SRSF11: variants seen among roughly 807,000 people sequenced by gnomAD.
The protein encoded by SRSF11 is serine/arginine-rich splicing factor 11.
In SRSF11, 9 loss-of-function variants were observed where a neutral mutation model predicts 56.0. The observed-to-expected ratio is 0.16, with a 90% CI of 0.10 to 0.28. The LOEUF is 0.28. Among genes scored for constraint, SRSF11 ranks in the 10% least tolerant of loss-of-function variants. The pLI is 1.00. For synonymous variants in SRSF11, 222 were observed against 215.3 expected (o/e 1.03, Z -0.27); for missense variants, 421 against 600.7 (o/e 0.70, Z 3.13).
At chr1:70,234,869 C>A in intron 4 of SRSF11, 81 bp downstream of exon 4, 1 of 1,194,398 alleles carries the variant, frequency 8.4e-7, no homozygotes, top group Non-Finnish European at 1.2e-6. Flanking sequence ...ATTTCAAGAG[C>A]AGAAGCTAAT....
chr1:70,232,414 A>C lies in SRSF11; in HGVS notation c.447+37A>C, dbSNP rs764595757. 28 of 1,517,308 alleles carry C rather than the reference A, an allele frequency of 1.8e-5. No homozygotes were observed. In the African/African-American group the frequency reaches 3.6e-4, roughly 20 times the overall value. The allele number at this position is 1,517,308 out of a possible 1,614,324, so 94.0% of individuals were successfully genotyped here. On this transcript the variant is annotated intron_variant, in intron 3 of 11. Transcript: ENST00000370949. The stretch of plus-strand genomic sequence containing the variant: ...ATTGAATTCTTAAAGGGTGGGGAAA[A>C]AAACAGAATTGTGCATAAAGCTAAA...
rs1051857752 is a variant in SRSF11 at position 70,221,774 on chromosome 1, T to G, written c.138T>G (p.Ser46=). 6 of 1,614,048 alleles carry G rather than the reference T, an allele frequency of 3.7e-6. No individual in the cohort carries two copies. Among genetic ancestry groups the G allele is most frequent in the Non-Finnish European group, 4.2e-6 (5 of 1,180,046 alleles). ...QVTNVSPSAS[S]EQMRTLFGFL... ...CTAATGTCTCCCCGAGCGCTAGCTC[T>G]GAGCAGATGCGGACTCTCTTCGGTT... The change falls in exon 1 of 12, where the codon TCT becomes TCG. Residue 46 remains serine, a synonymous_variant. Transcript: ENST00000370949.
rs1189977838 is a variant in SRSF11 at position 70,252,344 on chromosome 1, T to A, written c.*1539T>A. 1 of 152,174 alleles carries A rather than the reference T, an allele frequency of 6.6e-6. No individual in the cohort carries two copies. Among genetic ancestry groups the A allele is most frequent in the African/African-American group, 2.4e-5 (1 of 41,460 alleles). The allele number at this position is 152,174 out of a possible 1,614,324, so 9.4% of individuals were successfully genotyped here. A position where few individuals can be genotyped will look rare whatever the true frequency, so the allele number is the denominator to read the frequency against. On this transcript the variant is annotated 3_prime_UTR_variant, in exon 12 of 12. Transcript: ENST00000370949. ...ACAGATATTTGCCTTTCTGGAGTAG[T>A]ATAGAAGCTGTCAATATGTATCTAC...
chr1:70,234,809 AT>A, intron 4 of SRSF11, 21 bp downstream of exon 4: 1 of 1,551,734 alleles, frequency 6.4e-7, no homozygotes, highest in South Asian at 1.2e-5. Context: ...GTAACTTCAA[AT>A]TTTTCACCCA....
At chr1:70,220,621 G>A (rs564775366), upstream of SRSF11, among the ~76,000 whole-genome samples, 1 of 152,102 alleles carries the variant, frequency 6.6e-6, no homozygotes, top group Non-Finnish European at 1.5e-5. Flanking sequence ...AGGCCAAGGC[G>A]GGTGGATCAC....
intron 5 of SRSF11, among the ~76,000 whole-genome samples, chr1:70,237,175 A>G (rs564994542): frequency 7.9e-5 from 12 of 152,292 alleles, no homozygotes; most frequent in Non-Finnish European, 1.5e-4. Flanking sequence ...GTTTATGGAA[A>G]GTTAATGGAT....
chr1:70,247,080 GTTTA>G (rs912786118), intron 9 of SRSF11, 173 bp downstream of exon 9: 2 of 1,116,694 alleles, frequency 1.8e-6, no homozygotes, highest in Non-Finnish European at 2.4e-6. Context: ...GAATAATGTA[GTTTA>G]TTTTTCTTTT....
At chr1:70,236,954 GT>G (rs960558544) in intron 5 of SRSF11, among the ~76,000 whole-genome samples, 5 of 151,000 alleles carry the variant, frequency 3.3e-5, no homozygotes, top group Non-Finnish European at 7.4e-5. Context: ...TGCCTGGCTA[GT>G]TTTTTGTATT....
At chr1:70,243,184 C>T (rs551062975) in intron 7 of SRSF11, among the ~76,000 whole-genome samples, 1 of 151,686 alleles carries the variant, frequency 6.6e-6, no homozygotes, top group Admixed American at 6.6e-5. Flanking sequence ...CAGTCCCCTC[C>T]GTATATGCAG....
At chr1:70,243,258 T>C (rs1675902785) in intron 7 of SRSF11, among the ~76,000 whole-genome samples, 1 of 133,736 alleles carries the variant, frequency 7.5e-6, no homozygotes, top group Non-Finnish European at 1.5e-5. Context: ...GGAATCCACA[T>C]ATAGGAAAAC....
chr1:70,220,294 A>G (rs1372832367), upstream of SRSF11, among the ~76,000 whole-genome samples: 1 of 152,374 alleles, frequency 6.6e-6, no homozygotes, highest in South Asian at 2.1e-4. Context: ...TAACTTGTGT[A>G]TCGGCACAGA....
Position 70,231,926 on chromosome 1 carries a change from A to G in SRSF11, c.338-342A>G, listed in dbSNP as rs1295596721. 3.9e-6 allele frequency: 6 copies of G among 1,529,676 alleles called. No individual in the cohort carries two copies. In the South Asian group the frequency reaches 7.2e-5, roughly 18 times the overall value. The allele number at this position is 1,529,676 out of a possible 1,614,324, so 94.8% of individuals were successfully genotyped here. ...AAAGTTGAGAGCACACCCCTGGAGA[A>G]CCGACTGTGCTTGCTTACGTTTGGT... On this transcript the variant is annotated intron_variant, in intron 2 of 11. Coordinates refer to ENST00000370949, the MANE Select transcript of SRSF11 (RefSeq NM_001350605.2).
chr1:70,246,110 T>C (rs1170635276), intron 8 of SRSF11, among the ~76,000 whole-genome samples: 1 of 152,168 alleles, frequency 6.6e-6, no homozygotes, highest in Non-Finnish European at 1.5e-5. Flanking sequence ...ACTTTGATTC[T>C]TAAAATTAGA....
chr1:70,209,597 C>CT (rs1669353473), intron 1 of SRSF11, among the ~76,000 whole-genome samples: 1 of 151,816 alleles, frequency 6.6e-6, no homozygotes. Flanking sequence ...AGAGGACATT[C>CT]TTTTTTGTTT....
chr1:70,247,272 A>G (rs1056148792), intron 9 of SRSF11: 3 of 219,066 alleles, frequency 1.4e-5, no homozygotes, highest in African/African-American at 2.3e-5. Flanking sequence ...GAATTTTTCT[A>G]TCCCTTTTAA....
At chr1:70,226,558 CAAT>C (rs561056671) in intron 1 of SRSF11, among the ~76,000 whole-genome samples, 322 of 152,062 alleles carry the variant, frequency 2.1e-3, no homozygotes, top group African/African-American at 7.4e-3. Flanking sequence ...AATAAGATAA[CAAT>C]AAAAAGTGTT....
intron 4 of SRSF11, 101 bp from the exon 5 acceptor site, chr1:70,235,400 T>C (rs1193377099): frequency 5.4e-6 from 5 of 930,918 alleles, no homozygotes; most frequent in Non-Finnish European, 8.2e-6. Context: ...TTTCATGGCA[T>C]GTAGTCTGCA....
rs753214498 is a variant in SRSF11, at chr1:70,246,769, G to A, written c.933-49G>A. On this transcript the variant is annotated intron_variant, in intron 8 of 11. Coordinates refer to ENST00000370949, the MANE Select transcript of SRSF11 (RefSeq NM_001350605.2). The stretch of plus-strand genomic sequence containing the variant: ...TGTGTTTGTAGTGCTATATAAATTG[G>A]CATCAGCTGAGTCTTCTAATGCATT... The A allele has an allele frequency of 2.7e-5, 33 of 1,213,972 alleles. No individual in the cohort carries two copies. The East Asian group carries it at 6.4e-4, about 24-fold the overall frequency. 75.2% of individuals were successfully genotyped at this position (1,213,972 alleles called of 1,614,324 possible). A position where few individuals can be genotyped will look rare whatever the true frequency, so the allele number is the denominator to read the frequency against.
chr1:70,221,852 C>A lies in SRSF11; in HGVS notation c.203+13C>A. 1 of 1,613,574 alleles carries A rather than the reference C, an allele frequency of 6.2e-7. No homozygotes were observed. Among genetic ancestry groups the A allele is most frequent in the Non-Finnish European group, 8.5e-7 (1 of 1,179,914 alleles). On this transcript the variant is annotated intron_variant, in intron 1 of 11. Coordinates refer to ENST00000370949, the MANE Select transcript of SRSF11 (RefSeq NM_001350605.2). Reference sequence around the variant, plus strand: ...TCTTCCCGCCGGAGTGAGTATCGTCCACCATCACTGTTCCTGCTAACGCCG... The same window carrying A: ...TCTTCCCGCCGGAGTGAGTATCGTCAACCATCACTGTTCCTGCTAACGCCG...
Sources: allele counts gnomAD v4.1 joint callset (sites outside exome capture counted in the v4.1 genomes callset), GRCh38; gene constraint gnomAD v4.1.1; transcripts MANE v1.5; gene names NCBI Gene and HGNC (gene_info 2026-07-23, HGNC 2026-07-21).